Variants in DNM1 observed in about 807,000 individuals in gnomAD.
DNM1 encodes the protein dynamin 1, also known as dynamin-1.
Under a neutral mutation model 104.6 loss-of-function variants are expected in DNM1, and 29 were observed. That is an observed-to-expected ratio of 0.28 (90% CI 0.21 to 0.38). The LOEUF (loss-of-function observed/expected upper bound fraction) is 0.38. DNM1 is among the 10% of genes least tolerant of loss of function. The probability of loss-of-function intolerance (pLI) is 1.00; values close to 1 mark genes in which losing one functional copy is unlikely to be tolerated. For missense variants in DNM1, 640 were observed against 1,189.4 expected, an observed-to-expected ratio of 0.54 and a Z score of 6.79; for synonymous variants, 445 against 475.8, an observed-to-expected ratio of 0.94 and a Z score of 0.84.
Position 128,222,686 on chromosome 9 carries a change from A to C in DNM1, c.1128+90A>C, listed in dbSNP as rs1056145655. On this transcript the variant is annotated intron_variant, in intron 8 of 21. Transcript: ENST00000372923. The surrounding 1 kb of genome is among the most constrained non-coding windows in gnomAD (Gnocchi z 7.8). ...TCTGCGTGTGTTTTTGCTGGCCCCC[A>C]CCCCACAGGCCCTGATGCCCAGCCC... is the stretch of plus-strand genomic sequence containing the variant. 8.1e-6 allele frequency: 13 copies of C among 1,599,828 alleles called. No homozygotes were observed. In the African/African-American group the frequency reaches 1.6e-4, roughly 20 times the overall value.
rs572346060 is a variant in DNM1 at position 128,242,098 on chromosome 9, C to T, written c.1558-134C>T. The T allele has an allele frequency of 4.4e-6, 3 of 675,352 alleles. No individual in the cohort carries two copies. The East Asian group carries it at 8.3e-5, about 19-fold the overall frequency. 41.8% of individuals were successfully genotyped at this position (675,352 alleles called of 1,614,324 possible). A position where few individuals can be genotyped will look rare whatever the true frequency, so the allele number is the denominator to read the frequency against. On this transcript the variant is annotated intron_variant, in intron 14 of 21. Coordinates refer to ENST00000372923, the MANE Select transcript of DNM1 (RefSeq NM_004408.4). The stretch of plus-strand genomic sequence containing the variant: ...GGTTCAAACCAAGGCAGGTCTGGCC[C>T]CCACCCTCCCTGACTGCCAGGCCTC...
At chr9:128,204,692 G>A (rs1014334656) in intron 1 of DNM1, 1 of 152,240 alleles carries the variant, frequency 6.6e-6, no homozygotes, top group African/African-American at 2.4e-5. Flanking sequence ...GCAGACTGGG[G>A]GATGAAGTGA....
At chr9:128,216,153 C>T (rs1333877369) in intron 1 of DNM1, among the ~76,000 whole-genome samples, 1 of 152,160 alleles carries the variant, frequency 6.6e-6, no homozygotes, top group Non-Finnish European at 1.5e-5. Context: ...AGGGTGGGAA[C>T]TGTCTGACTC....
chr9:128,239,616 G>A, intron 12 of DNM1, 101 bp downstream of exon 12: 6 of 1,050,312 alleles, frequency 5.7e-6, no homozygotes, highest in South Asian at 1.4e-5. Flanking sequence ...GTGTGTGTGT[G>A]TAGAGCCCAG....
At chr9:128,238,954 C>A (rs1407354395) in intron 11 of DNM1, among the ~76,000 whole-genome samples, 3 of 151,518 alleles carry the variant, frequency 2.0e-5, no homozygotes, top group African/African-American at 7.3e-5. Flanking sequence ...CGCACCTGGC[C>A]AATTTGTGAT....
intron 4 of DNM1, 84 bp from the exon 5 acceptor site, chr9:128,219,904 A>T: frequency 2.7e-5 from 30 of 1,112,676 alleles, no homozygotes; most frequent in Non-Finnish European, 3.6e-5. Flanking sequence ...GGCCGAGGAG[A>T]GCAGGGGGAT....
chr9:128,246,894 C>T (rs1836862774), intron 16 of DNM1: 1 of 270,660 alleles, frequency 3.7e-6, no homozygotes, highest in South Asian at 5.4e-5. Flanking sequence ...GCCAAAGGGC[C>T]CTAGTCAGGC....
intron 14 of DNM1, among the ~76,000 whole-genome samples, chr9:128,241,654 A>C (rs2131260318): frequency 6.6e-6 from 1 of 152,286 alleles, no homozygotes; most frequent in African/African-American, 2.4e-5. Context: ...AAGTTAATTA[A>C]AAATCGAAGC....
At position 128,220,322 on chromosome 9, in the gene DNM1, T is replaced by G; in HGVS notation, c.830T>G (p.Leu277Arg). 6.2e-7 allele frequency: 1 copy of G among 1,614,056 alleles called. No individual in the cohort carries two copies. Among genetic ancestry groups the G allele is most frequent in the Non-Finnish European group, 8.5e-7 (1 of 1,180,028 alleles). The change falls in exon 6 of 22, where the codon CTG becomes CGG. Residue 277 changes from leucine (L) to arginine (R), a missense_variant. Around this residue, in one of 7 missense-constraint regions of DNM1, gnomAD observed 81 missense variants for 99.8 expected, o/e 0.81. Coordinates refer to ENST00000372923, the MANE Select transcript of DNM1 (RefSeq NM_004408.4). The surrounding 1 kb of genome is among the most constrained non-coding windows in gnomAD (Gnocchi z 5.2). The stretch of plus-strand genomic sequence containing the variant: ...GCTGACCGTATGGGCACGCCCTACC[T>G]GCAGAAGGTCCTCAATCAGGTAGGC... ...HLADRMGTPY[L>R]QKVLNQQLTN... is the part of the protein sequence containing the mutation.
At position 128,234,069 on chromosome 9, in the gene DNM1, A is replaced by G. The variant is rs755200765; in HGVS notation, c.1384A>G (p.Thr462Ala). The G allele has an allele frequency of 1.1e-5, 17 of 1,577,838 alleles. No homozygotes were observed. Among genetic ancestry groups the G allele is most frequent in the Non-Finnish European group, 1.4e-5 (16 of 1,162,724 alleles). The change falls in exon 11 of 22, where the codon ACC (threonine) becomes GCC (alanine). Residue 462 changes from threonine (T) to alanine (A), a missense_variant. Transcript: ENST00000372923. ...LREEMERIVT[T>A]HIREREGRTK... ...GGAGGAGATGGAGCGCATCGTGACCACCCACATCCGGGAGCGCGAGGGCCG... is the reference window on the plus strand; with the variant it reads ...GGAGGAGATGGAGCGCATCGTGACCGCCCACATCCGGGAGCGCGAGGGCCG...
chr9:128,223,156 T>G, intron 9 of DNM1: 4 of 422,178 alleles, frequency 9.5e-6, no homozygotes, highest in Non-Finnish European at 1.7e-5. Context: ...GCTCCCCCAG[T>G]GCCACCCAGG....
At chr9:128,250,979 C>A (rs1442040713) in intron 21 of DNM1, 39 bp downstream of exon 21, 1 of 1,186,870 alleles carries the variant, frequency 8.4e-7, no homozygotes, top group Non-Finnish European at 1.2e-6. Flanking sequence ...GGCTGCCGGA[C>A]GGGCGTGGCC....
At chr9:128,229,770 G>A (rs1482439110) in intron 10 of DNM1, among the ~76,000 whole-genome samples, 3 of 152,022 alleles carry the variant, frequency 2.0e-5, no homozygotes, top group East Asian at 1.9e-4. Context: ...AAAATTAGCC[G>A]GGTGTGGTGG....
chr9:128,234,164 G>A lies in DNM1; in HGVS notation c.1422+57G>A, dbSNP rs999537541. On this transcript the variant is annotated intron_variant, in intron 11 of 21. Coordinates refer to ENST00000372923, the MANE Select transcript of DNM1 (RefSeq NM_004408.4). ...CTTCCTTCCACTCCTGGCCGCCTGC[G>A]CCTTCCACTCCTGGCCCTGGGGTTG... 13 of 1,399,854 alleles carry A rather than the reference G, an allele frequency of 9.3e-6. No individual in the cohort carries two copies. The African/African-American group carries it at 1.0e-4, about 11-fold the overall frequency. 86.7% of individuals were successfully genotyped at this position (1,399,854 alleles called of 1,614,324 possible). A position where few individuals can be genotyped will look rare whatever the true frequency, so the allele number is the denominator to read the frequency against.
In DNM1 at chr9:128,218,158, C is replaced by G; in HGVS notation, c.162-73C>G. ...GAAGGAGCTTTGGCTTTCCCAGGGG[C>G]CGGACAGGTACCCCTGGGACAGAGG... On this transcript the variant is annotated intron_variant, in intron 1 of 21. Transcript: ENST00000372923. The surrounding 1 kb of genome is among the most constrained non-coding windows in gnomAD (Gnocchi z 4.8). The G allele has an allele frequency of 6.9e-7, 1 of 1,443,102 alleles. No homozygotes were observed. Among genetic ancestry groups the G allele is most frequent in the Non-Finnish European group, 9.8e-7 (1 of 1,024,382 alleles). 89.4% of individuals were successfully genotyped at this position (1,443,102 alleles called of 1,614,324 possible).
chr9:128,227,983 G>A (rs1835447369), intron 10 of DNM1, among the ~76,000 whole-genome samples: 1 of 152,028 alleles, frequency 6.6e-6, no homozygotes, highest in South Asian at 2.1e-4. Flanking sequence ...CAAGTAGTGG[G>A]ACTTCAAGCA....
rs186733555 is a variant in DNM1, at chr9:128,245,378, C to T, written c.1672-1016C>T. Among the ~76,000 whole-genome samples, 510 of 152,086 alleles carry T rather than the reference C, an allele frequency of 3.4e-3. 6 individuals are homozygous for T. Among genetic ancestry groups the T allele is most frequent in the Middle Eastern group, 0.024 (7 of 294 alleles). On this transcript the variant is annotated intron_variant, in intron 15 of 21. Coordinates refer to ENST00000372923, the MANE Select transcript of DNM1 (RefSeq NM_004408.4). This position sits in a 1 kb window ranked among gnomAD's most constrained non-coding sequence, Gnocchi z 5.2. ...AGGCTCATGCCCAACCTCTTTGAGT[C>T]CCCGAGGCCCACACAGACGACCCCC...
Position 128,222,704 on chromosome 9 carries a change from C to T in DNM1, c.1129-89C>T. The T allele has an allele frequency of 6.3e-7, 1 of 1,598,452 alleles. No homozygotes were observed. The highest frequency in any genetic ancestry group is 8.6e-7 in the Non-Finnish European group (1 of 1,168,126). The stretch of plus-strand genomic sequence containing the variant: ...GGCCCCCACCCCACAGGCCCTGATG[C>T]CCAGCCCTAGGTGTGGGGTGGGCCC... On this transcript the variant is annotated intron_variant, in intron 8 of 21. Coordinates refer to ENST00000372923, the MANE Select transcript of DNM1 (RefSeq NM_004408.4). This position sits in a 1 kb window ranked among gnomAD's most constrained non-coding sequence, Gnocchi z 7.8.
intron 16 of DNM1, chr9:128,246,789 A>C (rs1241447389): frequency 1.3e-4 from 49 of 366,810 alleles, no homozygotes; most frequent in Admixed American, 3.0e-4. Flanking sequence ...CCTTCCTTCC[A>C]TTCTCCCCTT....
Sources: gnomAD v4.1 joint callset for allele counts (sites outside exome capture counted in the v4.1 genomes callset) on GRCh38, gnomAD v4.1.1 for gene constraint, gnomAD v4.1.1 regional missense constraint, Gnocchi (gnomAD v3.1) non-coding constraint, MANE v1.5 for transcripts, NCBI Gene and HGNC (gene_info 2026-07-23, HGNC 2026-07-21) for gene names.